SEMA3C: variants seen among roughly 807,000 people sequenced by gnomAD.
The protein encoded by SEMA3C is semaphorin-3C.
SEMA3C carries 47 observed loss-of-function variants against 89.4 expected under a neutral mutation model. That is an observed-to-expected ratio of 0.53 (90% confidence interval 0.42 to 0.67). SEMA3C has a LOEUF of 0.67. Ranked by LOEUF, SEMA3C falls within the 30% of genes least tolerant of loss-of-function variation. The pLI is 0.00. For missense variants in SEMA3C, 839 were observed against 929.1 expected, an observed-to-expected ratio of 0.90 and a Z score of 1.26; for synonymous variants, 310 against 320.2, an observed-to-expected ratio of 0.97 and a Z score of 0.34.
chr7:80,751,016 C>T (rs761084757), intron 16 of SEMA3C, among the ~76,000 whole-genome samples: 5 of 152,152 alleles, frequency 3.3e-5, no homozygotes, highest in Non-Finnish European at 7.4e-5. Context: ...TCTGTAATTA[C>T]GATCTGCGAG....
chr7:80,754,965 T>TTTGTTTTTTTTGTTTTTTTTG (rs781275156), intron 15 of SEMA3C, among the ~76,000 whole-genome samples: 4 of 52,998 alleles, frequency 7.5e-5, no homozygotes, highest in Admixed American at 4.5e-4. Flanking sequence ...TTGTTTTTTT[T>TTTGTTTTTTTTGTTTTTTTTG]TTTTTTGTAT....
chr7:80,798,686 T>C (rs866604227), intron 10 of SEMA3C, among the ~76,000 whole-genome samples: 4 of 152,194 alleles, frequency 2.6e-5, no homozygotes, highest in Non-Finnish European at 5.9e-5. Flanking sequence ...TATGAGAGTG[T>C]TCTCACATGG....
chr7:80,770,126 A>G (rs1788397199), intron 12 of SEMA3C, among the ~76,000 whole-genome samples: 4 of 152,172 alleles, frequency 2.6e-5, no homozygotes, highest in Admixed American at 2.6e-4. Flanking sequence ...TGAGTTGGGC[A>G]GTATGGATGC....
intron 12 of SEMA3C, among the ~76,000 whole-genome samples, chr7:80,772,771 G>A (rs1044963905): frequency 2.6e-5 from 4 of 151,282 alleles, no homozygotes; most frequent in Non-Finnish European, 4.4e-5. Flanking sequence ...GTTGCATTAT[G>A]AGGAAAATAG....
intron 2 of SEMA3C, among the ~76,000 whole-genome samples, chr7:80,829,354 C>T (rs1789956766): frequency 6.6e-6 from 1 of 151,814 alleles, no homozygotes; most frequent in Non-Finnish European, 1.5e-5. Context: ...AATAAATAAA[C>T]CAAAAAAAAT....
In SEMA3C at chr7:80,751,405, T is replaced by C; in HGVS notation, c.1644-69A>G. Reference sequence around the variant, plus strand: ...GCCAATTACACCACTCTTAAAACACTGTAATTTTAAACTTTGCACCCTTTT... The same window carrying C: ...GCCAATTACACCACTCTTAAAACACCGTAATTTTAAACTTTGCACCCTTTT... On this transcript the variant is annotated intron_variant, in intron 15 of 17. Transcript: ENST00000265361. 3.5e-6 allele frequency: 5 copies of C among 1,415,720 alleles called. No individual in the cohort carries two copies. In the East Asian group the frequency reaches 9.2e-5, roughly 26 times the overall value. 87.7% of individuals were successfully genotyped at this position (1,415,720 alleles called of 1,614,324 possible). A position where few individuals can be genotyped will look rare whatever the true frequency, so the allele number is the denominator to read the frequency against.
chr7:80,910,654 CTTT>C (rs777385675), intron 2 of SEMA3C, among the ~76,000 whole-genome samples: 5 of 131,030 alleles, frequency 3.8e-5, no homozygotes, highest in Non-Finnish European at 5.0e-5. Context: ...AATGCTCGTT[CTTT>C]TTTTTTTTTT....
At chr7:80,760,269 A>C (rs1788155651) in intron 14 of SEMA3C, among the ~76,000 whole-genome samples, 2 of 152,232 alleles carry the variant, frequency 1.3e-5, no homozygotes, top group Admixed American at 6.5e-5. Context: ...GTAATACATA[A>C]CTAAATATAG....
rs1000692754 is a variant in SEMA3C at position 80,799,327 on chromosome 7, T to C, written c.987-1091A>G. Reference sequence around the variant, plus strand: ...CTAAAACCTTTAGATTTTTGCTTTGTAGTTGATTGTCTAATCAAAGGGACC... The same window carrying C: ...CTAAAACCTTTAGATTTTTGCTTTGCAGTTGATTGTCTAATCAAAGGGACC... On this transcript the variant is annotated intron_variant, in intron 10 of 17. Transcript: ENST00000265361. Among the ~76,000 whole-genome samples the C allele has an allele frequency of 2.0e-5, 3 of 152,186 alleles. No individual in the cohort carries two copies. The East Asian group carries it at 5.8e-4, about 29-fold the overall frequency.
chr7:80,808,179 T>G (rs1433538282), intron 6 of SEMA3C, among the ~76,000 whole-genome samples: 1 of 152,160 alleles, frequency 6.6e-6, no homozygotes, highest in Admixed American at 6.5e-5. Context: ...GCAAGAAAAT[T>G]TATAATGCCT....
chr7:80,760,374 A>C (rs1400910827), intron 14 of SEMA3C, among the ~76,000 whole-genome samples: 1 of 152,170 alleles, frequency 6.6e-6, no homozygotes. Flanking sequence ...TAACTACTGT[A>C]AACAAAGGGC....
chr7:80,830,785 C>G (rs1386417900), intron 2 of SEMA3C, among the ~76,000 whole-genome samples: 2 of 152,096 alleles, frequency 1.3e-5, no homozygotes, highest in Non-Finnish European at 2.9e-5. Flanking sequence ...GGTGACACAG[C>G]TGGCAGGTGG....
intron 2 of SEMA3C, among the ~76,000 whole-genome samples, chr7:80,830,903 T>C (rs1273252369): frequency 6.6e-6 from 1 of 152,168 alleles, no homozygotes; most frequent in East Asian, 1.9e-4. Flanking sequence ...AGGTTAGGGC[T>C]AATAGAAAAA....
At position 80,849,275 on chromosome 7, in the gene SEMA3C, C is replaced by CTTTTCAT. The variant is rs1554379830; in HGVS notation, c.104-20531_104-20530insATGAAAA. 8.6e-5 allele frequency among the ~76,000 whole-genome samples: 13 copies of CTTTTCAT among 151,170 alleles called. No individual in the cohort carries two copies. The East Asian group carries it at 1.0e-3, about 12-fold the overall frequency. ...AGCTTTCCACCTACAATTTCAAACC[C>CTTTTCAT]AACAAGTAGCAACACTAAGTTTTAG... On this transcript the variant is annotated intron_variant, in intron 2 of 17. Transcript: ENST00000265361.
intron 2 of SEMA3C, among the ~76,000 whole-genome samples, chr7:80,906,213 C>T (rs918334654): frequency 1.3e-5 from 2 of 152,106 alleles, no homozygotes; most frequent in African/African-American, 4.8e-5. Context: ...TATTAAGGGA[C>T]CTCAGCAAAT....
intron 2 of SEMA3C, among the ~76,000 whole-genome samples, chr7:80,855,631 C>T (rs1465563122): frequency 6.6e-6 from 1 of 152,054 alleles, no homozygotes; most frequent in African/African-American, 2.4e-5. Flanking sequence ...ATAATGTGCC[C>T]ACATTCACGG....
At chr7:80,904,588 A>G (rs892872598) in intron 2 of SEMA3C, among the ~76,000 whole-genome samples, 12 of 152,174 alleles carry the variant, frequency 7.9e-5, no homozygotes, top group African/African-American at 2.9e-4. Context: ...AGGGGGCTAA[A>G]CTTTAATTTT....
intron 2 of SEMA3C, among the ~76,000 whole-genome samples, chr7:80,852,216 G>A (rs1307805066): frequency 1.3e-5 from 2 of 152,208 alleles, no homozygotes; most frequent in African/African-American, 4.8e-5. Flanking sequence ...CCTATGGAGA[G>A]TCAGGACACT....
At chr7:80,904,194 C>T (rs1276507121) in intron 2 of SEMA3C, among the ~76,000 whole-genome samples, 1 of 152,050 alleles carries the variant, frequency 6.6e-6, no homozygotes, top group Non-Finnish European at 1.5e-5. Context: ...CCGTGCACCA[C>T]CATGCCTGGC....
Sources: gnomAD v4.1 joint callset for allele counts (sites outside exome capture counted in the v4.1 genomes callset) on GRCh38, gnomAD v4.1.1 for gene constraint, MANE v1.5 for transcripts, NCBI Gene and HGNC (gene_info 2026-07-23, HGNC 2026-07-21) for gene names.